Variants in PTPRG observed in about 807,000 individuals in gnomAD.
The protein encoded by PTPRG is receptor-type tyrosine-protein phosphatase gamma.
A neutral mutation model predicts 165.3 loss-of-function variants in PTPRG; 102 were observed. The observed-to-expected ratio is 0.62, with a 90% CI of 0.53 to 0.73. PTPRG has a LOEUF of 0.73. PTPRG is among the 30% of genes least tolerant of loss of function. The pLI, the probability that PTPRG is intolerant of heterozygous loss-of-function variation, is 0.00. For synonymous variants in PTPRG, 675 were observed against 669.5 expected (o/e 1.01, Z -0.13); for missense variants, 1,866 against 1,861.4 (o/e 1.00, Z -0.05).
intron 2 of PTPRG, among the ~76,000 whole-genome samples, chr3:61,782,834 A>C (rs1361911421): frequency 1.3e-5 from 2 of 152,124 alleles, no homozygotes; most frequent in African/African-American, 4.8e-5. Flanking sequence ...CTAGGGTCTC[A>C]TTCTGTTGCC....
intron 4 of PTPRG, among the ~76,000 whole-genome samples, chr3:62,060,189 G>C (rs1243493525): frequency 1.4e-5 from 2 of 141,818 alleles, no homozygotes; most frequent in African/African-American, 5.4e-5. Context: ...TCTAGCCTGA[G>C]CAACAGAGTG....
chr3:61,747,354 G>C (rs2033250631), intron 1 of PTPRG, among the ~76,000 whole-genome samples: 1 of 152,150 alleles, frequency 6.6e-6, no homozygotes, highest in African/African-American at 2.4e-5. Context: ...AGGATTAATG[G>C]GGAATAATTA....
At chr3:61,623,064 G>C (rs1701506402) in intron 1 of PTPRG, among the ~76,000 whole-genome samples, 1 of 152,306 alleles carries the variant, frequency 6.6e-6, no homozygotes, top group African/African-American at 2.4e-5. Context: ...ACATCAAGCT[G>C]ATATCACAGG....
At chr3:61,836,819 AC>A (rs1256978071) in intron 2 of PTPRG, among the ~76,000 whole-genome samples, 1 of 151,984 alleles carries the variant, frequency 6.6e-6, no homozygotes, top group Admixed American at 6.6e-5. Flanking sequence ...ATCTCGGCTC[AC>A]TGCAACCTCT....
intron 6 of PTPRG, among the ~76,000 whole-genome samples, chr3:62,148,580 A>G (rs922466012): frequency 6.6e-6 from 1 of 152,088 alleles, no homozygotes; most frequent in African/African-American, 2.4e-5. Context: ...CCTGGGCAAC[A>G]TGGTGAAACC....
chr3:61,854,155 A>C (rs774743997), intron 2 of PTPRG, among the ~76,000 whole-genome samples: 17 of 152,190 alleles, frequency 1.1e-4, no homozygotes, highest in Non-Finnish European at 1.8e-4. Flanking sequence ...GTGCTGCTAG[A>C]AGGTAGCAGT....
At chr3:61,804,793 T>C (rs2035363107) in intron 2 of PTPRG, among the ~76,000 whole-genome samples, 1 of 152,208 alleles carries the variant, frequency 6.6e-6, no homozygotes, top group Non-Finnish European at 1.5e-5. Context: ...GTCCCCCTTT[T>C]AAAAATAGGC....
intron 1 of PTPRG, among the ~76,000 whole-genome samples, chr3:61,563,090 C>T (rs2106749122): frequency 6.6e-6 from 1 of 151,800 alleles, no homozygotes; most frequent in East Asian, 2.0e-4. Flanking sequence ...CCTTTCCCTC[C>T]GCTGCTCTGC....
chr3:61,898,394 C>A (rs769608951), intron 2 of PTPRG, among the ~76,000 whole-genome samples: 4 of 152,156 alleles, frequency 2.6e-5, no homozygotes, highest in Non-Finnish European at 5.9e-5. Flanking sequence ...GTGCTCCGGC[C>A]TCATTGTTTG....
chr3:62,080,133 T>C (rs2106759220), intron 5 of PTPRG, among the ~76,000 whole-genome samples: 1 of 149,326 alleles, frequency 6.7e-6, no homozygotes, highest in Non-Finnish European at 1.5e-5. Flanking sequence ...AGTGGCACTA[T>C]CTCAGCTCAC....
intron 1 of PTPRG, among the ~76,000 whole-genome samples, chr3:61,697,375 C>G (rs952642349): frequency 1.3e-5 from 2 of 152,166 alleles, no homozygotes; most frequent in African/African-American, 4.8e-5. Context: ...CTGTTGTACT[C>G]CCTTCGTCCC....
chr3:62,091,911 C>G (rs1701943067), intron 5 of PTPRG, among the ~76,000 whole-genome samples: 1 of 152,078 alleles, frequency 6.6e-6, no homozygotes, highest in African/African-American at 2.4e-5. Flanking sequence ...CACCTACCTT[C>G]TCTCTTGTGT....
At chr3:62,033,735 C>A (rs144678243) in intron 4 of PTPRG, among the ~76,000 whole-genome samples, 1 of 152,122 alleles carries the variant, frequency 6.6e-6, no homozygotes, top group East Asian at 1.9e-4. Flanking sequence ...CATGACTACT[C>A]TTTTGAGGTT....
At chr3:61,990,419 A>G (rs2040856377) in intron 3 of PTPRG, among the ~76,000 whole-genome samples, 1 of 152,234 alleles carries the variant, frequency 6.6e-6, no homozygotes, top group Non-Finnish European at 1.5e-5. Flanking sequence ...CCCTTTGTGT[A>G]TCAGACCAGC....
At chr3:62,112,436 C>G (rs1281351214) in intron 5 of PTPRG, among the ~76,000 whole-genome samples, 2 of 152,178 alleles carry the variant, frequency 1.3e-5, no homozygotes, top group Admixed American at 1.3e-4. Flanking sequence ...TGCCTTTAGG[C>G]AAACATTTGT....
At chr3:62,023,137 A>G (rs1417946534) in intron 4 of PTPRG, among the ~76,000 whole-genome samples, 1 of 152,204 alleles carries the variant, frequency 6.6e-6, no homozygotes, top group Non-Finnish European at 1.5e-5. Flanking sequence ...AAAAAACAAT[A>G]ATGCTAACAA....
intron 2 of PTPRG, among the ~76,000 whole-genome samples, chr3:61,879,404 G>C (rs1037047474): frequency 2.0e-5 from 3 of 152,004 alleles, no homozygotes; most frequent in Admixed American, 2.0e-4. Context: ...ACGGTTTTCT[G>C]TAGTTTTCAG....
chr3:61,934,382 T>A (rs952067132), intron 2 of PTPRG, among the ~76,000 whole-genome samples: 4 of 152,140 alleles, frequency 2.6e-5, no homozygotes, highest in African/African-American at 4.8e-5. Context: ...AATTTAAATA[T>A]CTTTTCTCGG....
chr3:61,961,033 A>G (rs538498602), intron 2 of PTPRG, among the ~76,000 whole-genome samples: 12 of 152,310 alleles, frequency 7.9e-5, no homozygotes, highest in African/African-American at 2.2e-4. Context: ...GTAAGGCTTC[A>G]TTATGATGAT....
Sources: gnomAD v4.1 joint callset for allele counts (sites outside exome capture counted in the v4.1 genomes callset) on GRCh38, gnomAD v4.1.1 for gene constraint, MANE v1.5 for transcripts, NCBI Gene and HGNC (gene_info 2026-07-23, HGNC 2026-07-21) for gene names.